Variants in ATP6V0A1 observed in about 807,000 individuals in gnomAD.
ATP6V0A1 encodes the protein ATPase H+ transporting V0 subunit a1, also known as V-type proton ATPase 116 kDa subunit a 1.
ATP6V0A1 carries 43 observed loss-of-function variants against 105.4 expected under a neutral mutation model. That is an observed-to-expected ratio of 0.41 (90% confidence interval 0.32 to 0.53). The LOEUF (loss-of-function observed/expected upper bound fraction) is 0.53. ATP6V0A1 is among the 20% of genes least tolerant of loss of function. The probability of loss-of-function intolerance (pLI) is 0.30; values close to 1 mark genes in which losing one functional copy is unlikely to be tolerated. For synonymous variants in ATP6V0A1, 362 were observed against 372.8 expected, an observed-to-expected ratio of 0.97 and a Z score of 0.33; for missense variants, 676 against 1,051.1, an observed-to-expected ratio of 0.64 and a Z score of 4.93.
At chr17:42,466,549 C>A (rs1217360932) in intron 3 of ATP6V0A1, 42 bp downstream of exon 3, 1 of 1,522,732 alleles carries the variant, frequency 6.6e-7, no homozygotes, top group East Asian at 2.3e-5. Context: ...TTTAATGAAT[C>A]ATTTGTCTTA....
intron 5 of ATP6V0A1, among the ~76,000 whole-genome samples, chr17:42,473,683 C>T (rs2088306979): frequency 6.6e-6 from 1 of 152,084 alleles, no homozygotes; most frequent in African/African-American, 2.4e-5. Context: ...AAATGTCTTT[C>T]AAGACCTCGT....
rs532763022 is a variant in ATP6V0A1, at chr17:42,490,320, GT to G, written c.1024-163del. ...CCCAAAAGCTGGGAAAGATAATCTA[GT>G]TTTATTTTTAGGTTTATTAGTTTTA... On this transcript the variant is annotated intron_variant, in intron 10 of 21. Transcript: ENST00000343619. Among the ~76,000 whole-genome samples, 13 of 152,150 alleles carry G rather than the reference GT, an allele frequency of 8.5e-5. No individual in the cohort carries two copies. The South Asian group carries it at 2.7e-3, about 32-fold the overall frequency.
At chr17:42,487,465 T>C (rs546112354) in intron 10 of ATP6V0A1, 98 bp downstream of exon 10, 73 of 1,233,618 alleles carry the variant, frequency 5.9e-5, no homozygotes, top group Admixed American at 4.4e-4. Flanking sequence ...CGGTGGCTCA[T>C]GCCTGTAATC....
rs1439734748 is a variant in ATP6V0A1 at position 42,522,523 on chromosome 17, A to C, written c.*1403A>C. 1 of 152,490 alleles carries C rather than the reference A, an allele frequency of 6.6e-6. No individual in the cohort carries two copies. Among genetic ancestry groups the C allele is most frequent in the Non-Finnish European group, 1.5e-5 (1 of 68,146 alleles). The allele number at this position is 152,490 out of a possible 1,614,324, so 9.4% of individuals were successfully genotyped here. On this transcript the variant is annotated 3_prime_UTR_variant, in exon 22 of 22. Coordinates refer to ENST00000343619, the MANE Select transcript of ATP6V0A1 (RefSeq NM_001130021.3). ...AAGCAGAGTTCAGGGAACCCTGCCC[A>C]AGGTCCTCCTGTTCAGACATTCCTA...
chr17:42,513,791 C>G (rs2092469408), intron 19 of ATP6V0A1, 70 bp from the exon 20 acceptor site: 1 of 1,453,050 alleles, frequency 6.9e-7, no homozygotes. Context: ...CGCCAAGTAG[C>G]CACAACTCAG....
At chr17:42,480,093 A>G (rs1377579804) in intron 7 of ATP6V0A1, among the ~76,000 whole-genome samples, 1 of 152,208 alleles carries the variant, frequency 6.6e-6, no homozygotes, top group Non-Finnish European at 1.5e-5. Flanking sequence ...ATCCTGGTTA[A>G]CACACCATAC....
chr17:42,515,981 G>T (rs1171538949), intron 21 of ATP6V0A1, among the ~76,000 whole-genome samples: 3 of 151,904 alleles, frequency 2.0e-5, no homozygotes, highest in Non-Finnish European at 4.4e-5. Context: ...TCTTTTTGGG[G>T]GTCTCAAAAC....
rs774875295 is a variant in ATP6V0A1, at chr17:42,494,992, G to A, written c.1315-42G>A. On this transcript the variant is annotated intron_variant, in intron 12 of 21. Coordinates refer to ENST00000343619, the MANE Select transcript of ATP6V0A1 (RefSeq NM_001130021.3). ...GAATAACATTGTCACAATGTGAGCTGCAGTGAGTACATTCTCATTACTTCT... is the reference window on the plus strand; with the variant it reads ...GAATAACATTGTCACAATGTGAGCTACAGTGAGTACATTCTCATTACTTCT... 3.2e-6 allele frequency: 5 copies of A among 1,584,454 alleles called. No homozygotes were observed. The East Asian group carries it at 9.0e-5, about 28-fold the overall frequency.
chr17:42,480,773 G>A (rs780599804), intron 8 of ATP6V0A1, 24 bp downstream of exon 8: 1 of 1,601,440 alleles, frequency 6.2e-7, no homozygotes, highest in East Asian at 2.2e-5. Flanking sequence ...GCCTCTACCA[G>A]GAGTGCACAG....
Position 42,501,299 on chromosome 17 carries a change from CA to C in ATP6V0A1, c.2000del (p.His667LeufsTer93). 6.2e-7 allele frequency: 1 copy of C among 1,612,396 alleles called. No homozygotes were observed. The highest frequency in any genetic ancestry group is 8.5e-7 in the Non-Finnish European group (1 of 1,178,670). ...TCGCCGTCAGTATTTGAGGAGAAAGCATTTGGTAGGTGTATTTCTATTGCTA... is the reference window on the plus strand; with the variant it reads ...TCGCCGTCAGTATTTGAGGAGAAAGCTTTGGTAGGTGTATTTCTATTGCTA... The part of the protein sequence containing the change: ...VLRRQYLRRK[H>X]LGTLNFGGIR... On this transcript the variant is annotated frameshift_variant, in exon 17 of 22. Coordinates refer to ENST00000343619, the MANE Select transcript of ATP6V0A1 (RefSeq NM_001130021.3). LOFTEE classifies it high-confidence loss of function.
chr17:42,484,508 G>C (rs1023905106), intron 9 of ATP6V0A1, among the ~76,000 whole-genome samples: 2 of 152,104 alleles, frequency 1.3e-5, no homozygotes, highest in African/African-American at 4.8e-5. Flanking sequence ...GCATCCTTGC[G>C]GTCACCTTTG....
intron 8 of ATP6V0A1, among the ~76,000 whole-genome samples, chr17:42,481,976 G>C (rs2089567739): frequency 6.6e-6 from 1 of 151,926 alleles, no homozygotes; most frequent in Non-Finnish European, 1.5e-5. Flanking sequence ...CGAGTAGCTG[G>C]GACTGCAGAT....
At chr17:42,474,104 G>A (rs564025762) in intron 5 of ATP6V0A1, among the ~76,000 whole-genome samples, 43 of 151,774 alleles carry the variant, frequency 2.8e-4, no homozygotes, top group Non-Finnish European at 5.7e-4. Flanking sequence ...CCGGGTTCAA[G>A]CGATTCTCCT....
In ATP6V0A1 at chr17:42,513,891, G is replaced by A. The variant is rs1483219729; in HGVS notation, c.2161G>A (p.Ala721Thr). The A allele has an allele frequency of 6.2e-7, 1 of 1,613,966 alleles. No homozygotes were observed. The highest frequency in any genetic ancestry group is 2.2e-5 in the East Asian group (1 of 44,882). Reference protein sequence around the residue: ...FDFGDTMVHQAIHTIEYCLGC... With the variant: ...FDFGDTMVHQTIHTIEYCLGC... ...CTTTGGGGACACCATGGTCCACCAGGCCATCCACACCATCGAGTACTGCCT... is the reference window on the plus strand; with the variant it reads ...CTTTGGGGACACCATGGTCCACCAGACCATCCACACCATCGAGTACTGCCT... The change falls in exon 20 of 22, where the codon GCC becomes ACC. Residue 721 changes from alanine (A) to threonine (T), a missense_variant. Around this residue, in one of 3 missense-constraint regions of ATP6V0A1, gnomAD observed 435 missense variants for 642.2 expected, o/e 0.68. Coordinates refer to ENST00000343619, the MANE Select transcript of ATP6V0A1 (RefSeq NM_001130021.3).
intron 21 of ATP6V0A1, chr17:42,520,707 T>G (rs1460540418): frequency 7.1e-6 from 3 of 423,622 alleles, no homozygotes; most frequent in Non-Finnish European, 1.4e-5. Context: ...GGGGGCCACT[T>G]GTTCATTAAC....
At chr17:42,514,515 T>G (rs906313097) in intron 21 of ATP6V0A1, 55 bp downstream of exon 21, 1 of 1,484,428 alleles carries the variant, frequency 6.7e-7, no homozygotes, top group East Asian at 2.4e-5. Flanking sequence ...TTAGCTGCGG[T>G]GAGAGGGCAG....
chr17:42,520,844 T>C (rs2092814214), intron 21 of ATP6V0A1, 183 bp from the exon 22 acceptor site: 1 of 618,604 alleles, frequency 1.6e-6, no homozygotes, highest in South Asian at 1.9e-5. Context: ...CCTCCGTGCG[T>C]CGAACTCTTG....
chr17:42,462,130 G>A (rs554844791), intron 2 of ATP6V0A1, among the ~76,000 whole-genome samples: 1 of 150,800 alleles, frequency 6.6e-6, no homozygotes, highest in South Asian at 2.1e-4. Flanking sequence ...TGGGAGGATC[G>A]CTGAAGCCCA....
chr17:42,477,677 G>A lies in ATP6V0A1; in HGVS notation c.441G>A (p.Leu147=), dbSNP rs1271093131. ...QFFDEMADPD[L]LEESSSLLEP... is the part of the protein sequence containing the mutation. ...ATCAGCAGATGGCGGATCCAGACTT[G>A]TTGGAAGAGTCCTCATCCCTCTTGG... The change falls in exon 6 of 22, where the codon TTG becomes TTA. Residue 147 remains leucine (L), a synonymous_variant. Coordinates refer to ENST00000343619, the MANE Select transcript of ATP6V0A1 (RefSeq NM_001130021.3). 5.0e-6 allele frequency: 8 copies of A among 1,613,908 alleles called. No individual in the cohort carries two copies. The highest frequency in any genetic ancestry group is 1.3e-5 in the African/African-American group (1 of 75,042).
Sources: allele counts gnomAD v4.1 joint callset (sites outside exome capture counted in the v4.1 genomes callset), GRCh38; gene constraint gnomAD v4.1.1; regional missense constraint gnomAD v4.1.1; transcripts MANE v1.5; gene names NCBI Gene and HGNC (gene_info 2026-07-23, HGNC 2026-07-21).